The following GABBR2 variants were observed in gnomAD, a reference collection of about 807,000 sequenced individuals.
GABBR2 encodes the protein gamma-aminobutyric acid type B receptor subunit 2, also known as G-protein coupled receptor 51.
In GABBR2, 23 loss-of-function variants were observed where a neutral mutation model predicts 105.6. That is an observed-to-expected ratio of 0.22 (90% confidence interval 0.16 to 0.31). The LOEUF (loss-of-function observed/expected upper bound fraction) is 0.31. GABBR2 is among the 10% of genes least tolerant of loss of function. GABBR2 has a pLI of 1.00. For synonymous variants in GABBR2, 478 were observed against 499.7 expected, an observed-to-expected ratio of 0.96 and a Z score of 0.58; for missense variants, 734 against 1,245.5, an observed-to-expected ratio of 0.59 and a Z score of 6.18.
intron 3 of GABBR2, among the ~76,000 whole-genome samples, chr9:98,522,670 C>T (rs1365504875): frequency 6.6e-6 from 1 of 151,984 alleles, no homozygotes; most frequent in South Asian, 2.1e-4. Context: ...ACTCATATGA[C>T]CTTCCTGAAA....
chr9:98,540,696 C>T (rs1005244034), intron 3 of GABBR2, among the ~76,000 whole-genome samples: 12 of 152,328 alleles, frequency 7.9e-5, no homozygotes, highest in African/African-American at 2.4e-4. Context: ...ATCCTCCACA[C>T]GGCTAAAGTT....
chr9:98,476,433 C>G (rs1415698125), intron 5 of GABBR2, among the ~76,000 whole-genome samples: 1 of 152,176 alleles, frequency 6.6e-6, no homozygotes, highest in Non-Finnish European at 1.5e-5. Flanking sequence ...GATTTTCTGC[C>G]ACATGCCTGC....
chr9:98,309,063 C>G (rs1353069890), intron 14 of GABBR2, among the ~76,000 whole-genome samples: 1 of 152,126 alleles, frequency 6.6e-6, no homozygotes, highest in African/African-American at 2.4e-5. Context: ...TTCTGTGGCT[C>G]TAAAATAGAA....
At chr9:98,652,795 A>C (rs189360037) in intron 1 of GABBR2, among the ~76,000 whole-genome samples, 10 of 152,356 alleles carry the variant, frequency 6.6e-5, no homozygotes, top group Admixed American at 2.0e-4. Context: ...GGTGGCCACC[A>C]GAGGGGCTCT....
chr9:98,366,272 T>A (rs183345188), intron 12 of GABBR2, among the ~76,000 whole-genome samples: 6 of 152,332 alleles, frequency 3.9e-5, no homozygotes, highest in Non-Finnish European at 8.8e-5. Flanking sequence ...ATTAGCAAAC[T>A]ACTGACTTGG....
At chr9:98,495,748 T>C (rs1376941645) in intron 4 of GABBR2, among the ~76,000 whole-genome samples, 2 of 152,160 alleles carry the variant, frequency 1.3e-5, no homozygotes, top group Admixed American at 6.5e-5. Context: ...CTGAGCACTC[T>C]CCCCAGGTGG....
At chr9:98,577,228 A>ATGGATGGTTAG (rs769775744) in intron 2 of GABBR2, among the ~76,000 whole-genome samples, 3 of 151,110 alleles carry the variant, frequency 2.0e-5, no homozygotes, top group African/African-American at 4.9e-5. Context: ...GGATGGATGG[A>ATGGATGGTTAG]GCAAAAAAGT....
intron 6 of GABBR2, among the ~76,000 whole-genome samples, chr9:98,460,311 A>C (rs1255396363): frequency 6.6e-6 from 1 of 152,074 alleles, no homozygotes; most frequent in African/African-American, 2.4e-5. Context: ...TGAACCTGGG[A>C]GGTGCAGTGA....
chr9:98,474,308 C>T (rs144384005), intron 5 of GABBR2, among the ~76,000 whole-genome samples: 339 of 152,218 alleles, frequency 2.2e-3, no homozygotes, highest in African/African-American at 7.8e-3. Context: ...GGTTCTAATG[C>T]ACCCCTACTT....
At chr9:98,371,962 C>G (rs1272466143) in intron 11 of GABBR2, among the ~76,000 whole-genome samples, 1 of 152,204 alleles carries the variant, frequency 6.6e-6, no homozygotes, top group African/African-American at 2.4e-5. Flanking sequence ...AGCCCTCTCC[C>G]CACATGGTCA....
intron 3 of GABBR2, among the ~76,000 whole-genome samples, chr9:98,534,585 T>C (rs1043557490): frequency 6.6e-6 from 1 of 152,182 alleles, no homozygotes; most frequent in African/African-American, 2.4e-5. Flanking sequence ...ATTATCCTCA[T>C]GCTCAAGATG....
intron 7 of GABBR2, among the ~76,000 whole-genome samples, chr9:98,427,297 C>A (rs866638021): frequency 7.2e-5 from 11 of 152,266 alleles, no homozygotes; most frequent in African/African-American, 2.4e-4. Flanking sequence ...GGCTTGGGGG[C>A]GTCCTCATTC....
At chr9:98,400,914 G>GA (rs72546587) in intron 8 of GABBR2, among the ~76,000 whole-genome samples, 25,594 of 151,942 alleles carry the variant, frequency 0.17, 2,995 homozygotes, top group African/African-American at 0.33. Context: ...AAATAAGGGG[G>GA]ATAAATGGAC....
At chr9:98,335,067 C>A (rs1271202338) in intron 13 of GABBR2, among the ~76,000 whole-genome samples, 3 of 152,184 alleles carry the variant, frequency 2.0e-5, no homozygotes, top group African/African-American at 7.2e-5. Flanking sequence ...GGAACTTGCT[C>A]ACCCTCTGTC....
At chr9:98,584,811 G>A (rs554336953) in intron 1 of GABBR2, among the ~76,000 whole-genome samples, 66 of 152,240 alleles carry the variant, frequency 4.3e-4, no homozygotes, top group Admixed American at 7.8e-4. Flanking sequence ...ACCTGCCCCC[G>A]TTAGAAAGTC....
At chr9:98,353,537 A>G (rs1831436627) in intron 13 of GABBR2, among the ~76,000 whole-genome samples, 1 of 152,236 alleles carries the variant, frequency 6.6e-6, no homozygotes, top group African/African-American at 2.4e-5. Context: ...AGAAATCTCT[A>G]TCTATGGCAC....
intron 6 of GABBR2, among the ~76,000 whole-genome samples, chr9:98,458,124 C>T (rs944532184): frequency 6.6e-6 from 1 of 152,202 alleles, no homozygotes; most frequent in African/African-American, 2.4e-5. Context: ...GCTTGCTAAC[C>T]TACAATGTGA....
intron 1 of GABBR2, among the ~76,000 whole-genome samples, chr9:98,632,976 A>G (rs1829833215): frequency 6.6e-6 from 1 of 152,232 alleles, no homozygotes; most frequent in Non-Finnish European, 1.5e-5. Flanking sequence ...AGAAGTATAA[A>G]AGTAAATAGC....
chr9:98,640,011 C>T (rs889145248), intron 1 of GABBR2, among the ~76,000 whole-genome samples: 3 of 151,866 alleles, frequency 2.0e-5, no homozygotes, highest in African/African-American at 7.3e-5. Flanking sequence ...CTGGCAATTG[C>T]CTTATTTGCA....
Sources: allele counts gnomAD v4.1 joint callset (sites outside exome capture counted in the v4.1 genomes callset), GRCh38; gene constraint gnomAD v4.1.1; transcripts MANE v1.5; gene names NCBI Gene and HGNC (gene_info 2026-07-23, HGNC 2026-07-21).